Variants in PARP12 observed in about 807,000 individuals in gnomAD.
PARP12 encodes the protein poly(ADP-ribose) polymerase family member 12, also known as protein mono-ADP-ribosyltransferase PARP12.
In PARP12, 59 loss-of-function variants were observed where a neutral mutation model predicts 72.4. That is an observed-to-expected ratio of 0.81 (90% confidence interval 0.66 to 1.01). The LOEUF (loss-of-function observed/expected upper bound fraction) is 1.01, where lower values mean the gene tolerates loss of function less well. PARP12 is among the 50% of genes least tolerant of loss of function. PARP12 has a pLI of 0.00. For synonymous variants in PARP12, 403 were observed against 371.4 expected, an observed-to-expected ratio of 1.09 and a Z score of -0.98; for missense variants, 851 against 914.0, an observed-to-expected ratio of 0.93 and a Z score of 0.89.
chr7:140,048,253 G>C (rs938427790), intron 4 of PARP12, among the ~76,000 whole-genome samples: 5 of 152,048 alleles, frequency 3.3e-5, no homozygotes, highest in African/African-American at 1.2e-4. Flanking sequence ...CAGACCTATG[G>C]GTTCCGGTGA....
At position 140,056,822 on chromosome 7, in the gene PARP12, C is replaced by T. The variant is rs756813751; in HGVS notation, c.760+34G>A. ...CCCCCAGCCCAGGACCTCCCGTGCT[C>T]CCCACCAGCCTTACCACTCCCCACC... On this transcript the variant is annotated intron_variant, in intron 3 of 11. Transcript: ENST00000263549. 16 of 1,547,530 alleles carry T rather than the reference C, an allele frequency of 1.0e-5. No homozygotes were observed. The South Asian group carries it at 1.9e-4, about 18-fold the overall frequency.
intron 6 of PARP12, among the ~76,000 whole-genome samples, chr7:140,039,146 C>T (rs575086305): frequency 3.3e-5 from 5 of 152,338 alleles, no homozygotes; most frequent in South Asian, 2.1e-4. Context: ...CTAAGTTTCT[C>T]TCTCTGAAGT....
chr7:140,033,234 T>C, intron 8 of PARP12: 3 of 985,422 alleles, frequency 3.0e-6, no homozygotes, highest in African/African-American at 1.7e-5. Context: ...GTAAGGCACA[T>C]TCCCAGGAAA....
chr7:140,043,563 T>C (rs896644653), intron 5 of PARP12, among the ~76,000 whole-genome samples: 4 of 152,202 alleles, frequency 2.6e-5, no homozygotes, highest in Non-Finnish European at 4.4e-5. Context: ...AGTCTCACCC[T>C]GTCACCCAGG....
chr7:140,053,425 G>A (rs1456799287), intron 4 of PARP12, among the ~76,000 whole-genome samples: 1 of 152,162 alleles, frequency 6.6e-6, no homozygotes, highest in Admixed American at 6.5e-5. Context: ...GGGGTTTCCT[G>A]GGCGTGACAA....
At chr7:140,034,877 G>T (rs1816087411) in intron 7 of PARP12, 1 of 153,402 alleles carries the variant, frequency 6.5e-6, no homozygotes, top group African/African-American at 2.4e-5. Context: ...CCCTCAAGTT[G>T]AAAAATGACA....
At chr7:140,032,058 T>C (rs1815958846) in intron 8 of PARP12, among the ~76,000 whole-genome samples, 3 of 151,752 alleles carry the variant, frequency 2.0e-5, no homozygotes, top group Admixed American at 1.3e-4. Context: ...TACCAGAAAG[T>C]TGATAGAAAA....
intron 3 of PARP12, among the ~76,000 whole-genome samples, chr7:140,055,995 C>T (rs1040718660): frequency 3.9e-5 from 6 of 152,208 alleles, no homozygotes; most frequent in Admixed American, 6.5e-5. Flanking sequence ...GTCTCAGCTT[C>T]GCCAAGGAAT....
intron 6 of PARP12, among the ~76,000 whole-genome samples, chr7:140,039,511 G>A (rs1290491325): frequency 6.6e-6 from 1 of 152,172 alleles, no homozygotes; most frequent in African/African-American, 2.4e-5. Context: ...AGCTGAGAAA[G>A]GTCTCGGTTT....
chr7:140,026,778 T>A (rs1366119436), intron 10 of PARP12, among the ~76,000 whole-genome samples: 3 of 152,026 alleles, frequency 2.0e-5, no homozygotes, highest in Non-Finnish European at 4.4e-5. Context: ...AGAGTACACA[T>A]TACACTACCC....
intron 6 of PARP12, among the ~76,000 whole-genome samples, chr7:140,038,911 G>A (rs569138054): frequency 2.0e-5 from 3 of 152,296 alleles, no homozygotes; most frequent in African/African-American, 7.2e-5. Flanking sequence ...CAAGCACAAG[G>A]TCCCACACAG....
Position 140,034,251 on chromosome 7 carries a change from T to G in PARP12, c.1405A>C (p.Thr469Pro). ...RPKYVSPQDV[T>P]TMQTCNTKFP... is the part of the protein sequence containing the mutation. ...GCAACCTACCAGGTTTGCATGGTCG[T>G]CACATCCTGGGGAGACACGTATTTG... Residue 469 changes from threonine (T) to proline (P), a missense_variant, in exon 8 of 12, where the codon ACG (threonine) becomes CCG (proline). Physicochemically the swap from Thr to Pro is conservative, Grantham distance 38 (BLOSUM62 -1). This residue lies in a region of PARP12 where 347 missense variants were observed against 396.1 expected (regional missense o/e 0.88). Coordinates refer to ENST00000263549, the MANE Select transcript of PARP12 (RefSeq NM_022750.4). The G allele has an allele frequency of 6.2e-7, 1 of 1,613,082 alleles. No individual in the cohort carries two copies. The highest frequency in any genetic ancestry group is 8.5e-7 in the Non-Finnish European group (1 of 1,179,384).
At position 140,056,461 on chromosome 7, in the gene PARP12, T is replaced by G. The variant is rs145370291; in HGVS notation, c.760+395A>C. 3.1e-3 allele frequency among the ~76,000 whole-genome samples: 478 copies of G among 152,240 alleles called. 3 individuals are homozygous for G. The highest frequency in any genetic ancestry group is 0.011 in the African/African-American group (470 of 41,494). ...TAAAATCAGAATACAACACAAGGAA[T>G]GCTCCCCAGAGCTGTGCAGCACAGC... On this transcript the variant is annotated intron_variant, in intron 3 of 11. Coordinates refer to ENST00000263549, the MANE Select transcript of PARP12 (RefSeq NM_022750.4).
chr7:140,026,086 T>TC, intron 11 of PARP12, 111 bp downstream of exon 11: 2 of 1,495,798 alleles, frequency 1.3e-6, no homozygotes, highest in Non-Finnish European at 1.8e-6. Flanking sequence ...ACACATGGAG[T>TC]CTGAACCTGC....
In PARP12 at chr7:140,062,772, G is replaced by T; in HGVS notation, c.76C>A (p.Leu26Met). 7.1e-7 allele frequency: 1 copy of T among 1,400,270 alleles called. No individual in the cohort carries two copies. Among genetic ancestry groups the T allele is most frequent in the South Asian group, 1.4e-5 (1 of 70,312 alleles). 86.7% of individuals were successfully genotyped at this position (1,400,270 alleles called of 1,614,324 possible). Residue 26 changes from leucine (L) to methionine (M), a missense_variant, in exon 1 of 12, where the codon CTG becomes ATG. By Grantham distance (15) the Leu-to-Met change is conservative. Transcript: ENST00000263549. ...AAGCCCATCCGCAAGCGGCGCCGCA[G>T]CTCGGGCAACTCCAGGGCGCCCCCG... Reference protein sequence around the residue: ...AAGGALELPELRRRLRMGLSA... With the variant: ...AAGGALELPEMRRRLRMGLSA...
intron 4 of PARP12, among the ~76,000 whole-genome samples, chr7:140,049,841 G>A (rs1205620395): frequency 1.3e-5 from 2 of 152,162 alleles, no homozygotes; most frequent in Non-Finnish European, 2.9e-5. Context: ...AGAGACATAA[G>A]GTCCTTTCCC....
chr7:140,039,346 G>A (rs765195726), intron 6 of PARP12, among the ~76,000 whole-genome samples: 3 of 152,200 alleles, frequency 2.0e-5, no homozygotes, highest in African/African-American at 4.8e-5. Flanking sequence ...GTCCTGCCCC[G>A]ACCCAGGCCT....
At chr7:140,056,272 T>C (rs1817173756) in intron 3 of PARP12, among the ~76,000 whole-genome samples, 1 of 152,242 alleles carries the variant, frequency 6.6e-6, no homozygotes, top group Admixed American at 6.5e-5. Context: ...AGCACACTCA[T>C]TCATTCAACA....
intron 8 of PARP12, among the ~76,000 whole-genome samples, chr7:140,030,349 G>C (rs1283205460): frequency 6.6e-6 from 1 of 152,220 alleles, no homozygotes; most frequent in African/African-American, 2.4e-5. Flanking sequence ...TGTAATCCCA[G>C]CACTTTGGGA....
Sources: allele counts gnomAD v4.1 joint callset (sites outside exome capture counted in the v4.1 genomes callset), GRCh38; gene constraint gnomAD v4.1.1; regional missense constraint gnomAD v4.1.1; transcripts MANE v1.5; gene names NCBI Gene and HGNC (gene_info 2026-07-23, HGNC 2026-07-21).